The following RGS8 variants were observed in gnomAD, a reference collection of about 807,000 sequenced individuals.
RGS8 encodes regulator of G protein signaling 8.
RGS8 carries 8 observed loss-of-function variants against 21.7 expected under a neutral mutation model. The observed-to-expected ratio is 0.37, with a 90% CI of 0.22 to 0.66. RGS8 has a LOEUF of 0.66. RGS8 is among the 30% of genes least tolerant of loss of function. The probability of loss-of-function intolerance (pLI) is 0.59; values close to 1 mark genes in which losing one functional copy is unlikely to be tolerated. For missense variants in RGS8, 157 were observed against 217.9 expected (o/e 0.72, Z 1.76); for synonymous variants, 80 against 83.6 (o/e 0.96, Z 0.24).
At chr1:182,662,851 T>C (rs1663660906) in intron 5 of RGS8, among the ~76,000 whole-genome samples, 1 of 152,160 alleles carries the variant, frequency 6.6e-6, no homozygotes, top group South Asian at 2.1e-4. Flanking sequence ...ACCATAGATT[T>C]TGCACACCAT....
chr1:182,654,052 A>G (rs558328566), intron 5 of RGS8, among the ~76,000 whole-genome samples: 2 of 152,352 alleles, frequency 1.3e-5, no homozygotes, highest in Admixed American at 1.3e-4. Context: ...TTTACAAAAC[A>G]TTAGCTCAAT....
chr1:182,717,657 C>T, the RGS8 span, among the ~76,000 whole-genome samples: 1 of 152,112 alleles, frequency 6.6e-6, no homozygotes, highest in Non-Finnish European at 1.5e-5. Context: ...ACCCTTGGTT[C>T]CCTCCCCTAT....
the RGS8 span, among the ~76,000 whole-genome samples, chr1:182,713,182 CTTCTTTT>C: frequency 9.9e-5 from 15 of 152,096 alleles, no homozygotes. Context: ...TTTATTTTAT[CTTCTTTT>C]TTCTTTTTCT....
At chr1:182,644,339 A>G (rs1281712303), downstream of RGS8, 1 of 152,296 alleles carries the variant, frequency 6.6e-6, no homozygotes, top group Non-Finnish European at 1.5e-5. Context: ...CAGTTGTCAC[A>G]CACACACAAA....
chr1:182,717,082 A>G, the RGS8 span, among the ~76,000 whole-genome samples: 1 of 152,226 alleles, frequency 6.6e-6, no homozygotes, highest in Non-Finnish European at 1.5e-5. Context: ...ACTATTAATG[A>G]CCAGCTCTGT....
At chr1:182,651,894 G>A (rs1041673451) in intron 5 of RGS8, among the ~76,000 whole-genome samples, 2 of 152,228 alleles carry the variant, frequency 1.3e-5, no homozygotes, top group African/African-American at 4.8e-5. Flanking sequence ...AGAACTAAGT[G>A]AAGGGCTGGT....
the RGS8 span, among the ~76,000 whole-genome samples, chr1:182,735,255 T>G: frequency 2.6e-5 from 4 of 152,182 alleles, no homozygotes; most frequent in Non-Finnish European, 5.9e-5. Flanking sequence ...CATCAAACAT[T>G]TTAATGCATC....
chr1:182,722,374 A>C, the RGS8 span, among the ~76,000 whole-genome samples: 1 of 151,330 alleles, frequency 6.6e-6, no homozygotes, highest in Non-Finnish European at 1.5e-5. Flanking sequence ...AAAAAAAAAA[A>C]AAAAAAAAAA....
chr1:182,653,678 A>C (rs1282655610), intron 5 of RGS8, among the ~76,000 whole-genome samples: 1 of 152,184 alleles, frequency 6.6e-6, no homozygotes, highest in African/African-American at 2.4e-5. Flanking sequence ...CGGGCAACAG[A>C]GCCAGACTCT....
At chr1:182,728,869 T>A in the RGS8 span, among the ~76,000 whole-genome samples, 2 of 152,160 alleles carry the variant, frequency 1.3e-5, no homozygotes, top group African/African-American at 4.8e-5. Context: ...TTAAAGATGG[T>A]TGTCTCTGCT....
chr1:182,730,573 A>G, the RGS8 span, among the ~76,000 whole-genome samples: 1 of 152,078 alleles, frequency 6.6e-6, no homozygotes, highest in South Asian at 2.1e-4. Context: ...GGCCGGGCAC[A>G]GTGGCAGGTG....
At chr1:182,652,085 TA>T (rs1407647740) in intron 5 of RGS8, among the ~76,000 whole-genome samples, 2 of 152,204 alleles carry the variant, frequency 1.3e-5, no homozygotes, top group Admixed American at 1.3e-4. Flanking sequence ...TGAATTTGTC[TA>T]AAAGAATAAC....
the RGS8 span, among the ~76,000 whole-genome samples, chr1:182,711,927 G>C: frequency 2.0e-5 from 3 of 152,134 alleles, no homozygotes; most frequent in Non-Finnish European, 4.4e-5. Context: ...CAAAATTCTT[G>C]AGCCGTTGCT....
chr1:182,668,028 A>C (rs1341703988), intron 3 of RGS8, among the ~76,000 whole-genome samples: 3 of 151,720 alleles, frequency 2.0e-5, no homozygotes, highest in African/African-American at 4.9e-5. Context: ...ATAGCCCTGA[A>C]AAGGTGCCTG....
chr1:182,705,382 A>C, the RGS8 span, among the ~76,000 whole-genome samples: 3 of 152,346 alleles, frequency 2.0e-5, no homozygotes, highest in Non-Finnish European at 4.4e-5. Context: ...GCTGTCCACC[A>C]ACATGGGAGA....
chr1:182,730,617 G>A, the RGS8 span, among the ~76,000 whole-genome samples: 52 of 151,706 alleles, frequency 3.4e-4, no homozygotes, highest in African/African-American at 7.5e-4. Context: ...GCCAGAGGCC[G>A]AAGAATTGCT....
the RGS8 span, among the ~76,000 whole-genome samples, chr1:182,740,421 AAT>A: frequency 1.3e-5 from 2 of 152,172 alleles, no homozygotes; most frequent in African/African-American, 4.8e-5. Context: ...TGAGATAAAT[AAT>A]ATTACTATCT....
the RGS8 span, among the ~76,000 whole-genome samples, chr1:182,699,439 C>T: frequency 3.9e-5 from 6 of 152,232 alleles, no homozygotes; most frequent in African/African-American, 1.4e-4. Flanking sequence ...GGGCCCAGGC[C>T]TCAGTGGCAG....
the RGS8 span, among the ~76,000 whole-genome samples, chr1:182,741,010 C>G: frequency 1.3e-5 from 2 of 152,018 alleles, no homozygotes; most frequent in South Asian, 2.1e-4. Context: ...CACCTTTCCC[C>G]CCTTTCTATT....
Sources: gnomAD v4.1 joint callset for allele counts (sites outside exome capture counted in the v4.1 genomes callset) on GRCh38, gnomAD v4.1.1 for gene constraint, MANE v1.5 for transcripts, NCBI Gene and HGNC (gene_info 2026-07-23, HGNC 2026-07-21) for gene names.